Variants in TOX observed in about 807,000 individuals in gnomAD.
The protein encoded by TOX is thymocyte selection-associated high mobility group box protein TOX.
Under a neutral mutation model 53.7 loss-of-function variants are expected in TOX, and 11 were observed. The ratio of observed to expected loss-of-function variants is 0.20; its 90% CI spans 0.13 to 0.34. TOX has a LOEUF of 0.34. Among genes scored for constraint, TOX ranks in the 10% least tolerant of loss-of-function variants. The probability of loss-of-function intolerance (pLI) is 1.00; values close to 1 mark genes in which losing one functional copy is unlikely to be tolerated. For missense variants in TOX, 570 were observed against 664.6 expected (o/e 0.86, Z 1.56); for synonymous variants, 225 against 245.3 (o/e 0.92, Z 0.77).
intron 3 of TOX, among the ~76,000 whole-genome samples, chr8:58,925,819 C>T (rs1260856905): frequency 6.6e-6 from 1 of 152,154 alleles, no homozygotes; most frequent in Non-Finnish European, 1.5e-5. Context: ...CTCTGAGAAA[C>T]AGCCCTTTGT....
intron 1 of TOX, among the ~76,000 whole-genome samples, chr8:59,035,760 T>C (rs1320521539): frequency 6.6e-6 from 1 of 152,232 alleles, no homozygotes; most frequent in African/African-American, 2.4e-5. Context: ...TCAGTGATCA[T>C]AGAGAAATAA....
intron 2 of TOX, among the ~76,000 whole-genome samples, chr8:58,951,398 C>T (rs556385983): frequency 5.0e-4 from 76 of 152,100 alleles, no homozygotes; most frequent in Middle Eastern, 3.4e-3. Flanking sequence ...CCTAAACTTC[C>T]AGGCAAGAAG....
chr8:58,944,480 G>T (rs145955488), intron 2 of TOX, among the ~76,000 whole-genome samples: 5 of 152,288 alleles, frequency 3.3e-5, no homozygotes, highest in African/African-American at 9.6e-5. Flanking sequence ...CTGATGAGAA[G>T]GAGACAGATG....
At chr8:58,972,714 G>T (rs1305854517) in intron 1 of TOX, among the ~76,000 whole-genome samples, 2 of 152,052 alleles carry the variant, frequency 1.3e-5, no homozygotes, top group African/African-American at 2.4e-5. Flanking sequence ...TCACATCAAA[G>T]AAATTATGTA....
intron 3 of TOX, among the ~76,000 whole-genome samples, chr8:58,875,092 C>G (rs1042911773): frequency 6.6e-6 from 1 of 152,188 alleles, no homozygotes. Context: ...CCTCTGAGTA[C>G]AGCCGACAGT....
chr8:59,113,616 T>C (rs1400522919), intron 1 of TOX, among the ~76,000 whole-genome samples: 1 of 152,144 alleles, frequency 6.6e-6, no homozygotes, highest in Non-Finnish European at 1.5e-5. Flanking sequence ...TGGTGATTAG[T>C]ATCCAGTGGA....
At chr8:58,846,020 G>A (rs1032571359) in intron 4 of TOX, among the ~76,000 whole-genome samples, 2 of 151,956 alleles carry the variant, frequency 1.3e-5, no homozygotes, top group Admixed American at 1.3e-4. Context: ...AATGCTAGGC[G>A]GCTATGTTAA....
chr8:58,941,522 T>C (rs1279939331), intron 2 of TOX, among the ~76,000 whole-genome samples: 1 of 152,228 alleles, frequency 6.6e-6, no homozygotes, highest in Non-Finnish European at 1.5e-5. Flanking sequence ...GTTTAATTGC[T>C]ACTATCTTAT....
chr8:58,844,626 T>C (rs995957635), intron 4 of TOX, among the ~76,000 whole-genome samples: 1 of 152,102 alleles, frequency 6.6e-6, no homozygotes, highest in African/African-American at 2.4e-5. Context: ...TCTACAGCAG[T>C]GGGCAGAGGC....
intron 1 of TOX, among the ~76,000 whole-genome samples, chr8:59,000,845 A>T (rs1813677147): frequency 6.6e-6 from 1 of 152,202 alleles, no homozygotes; most frequent in South Asian, 2.1e-4. Context: ...GACTCTCATA[A>T]TAAAAATCCA....
At chr8:59,024,496 A>G (rs1814200049) in intron 1 of TOX, among the ~76,000 whole-genome samples, 1 of 152,202 alleles carries the variant, frequency 6.6e-6, no homozygotes, top group South Asian at 2.1e-4. Flanking sequence ...TCTTAAGAGT[A>G]GGTATTTTAA....
chr8:59,024,441 C>G (rs948593345), intron 1 of TOX, among the ~76,000 whole-genome samples: 10 of 152,138 alleles, frequency 6.6e-5, no homozygotes, highest in African/African-American at 1.9e-4. Flanking sequence ...TCAGTAGCTA[C>G]TAAGTGTCAA....
chr8:58,927,644 C>T (rs966927626), intron 3 of TOX, among the ~76,000 whole-genome samples: 7 of 152,156 alleles, frequency 4.6e-5, no homozygotes, highest in Non-Finnish European at 7.4e-5. Context: ...GTTGTTAGAA[C>T]GTCCCGTGGT....
At position 58,851,682 on chromosome 8, in the gene TOX, G is replaced by T. The variant is rs1352182887; in HGVS notation, c.535C>A (p.Leu179Met). The T allele has an allele frequency of 6.2e-7, 1 of 1,613,694 alleles. No homozygotes were observed. The change falls in exon 4 of 9, where the codon CTG becomes ATG. Residue 179 changes from leucine (L) to methionine (M), a missense_variant. Leu to Met is a conservative substitution (Grantham distance 15). Coordinates refer to ENST00000361421, the MANE Select transcript of TOX (RefSeq NM_014729.3). The surrounding 1 kb of genome is among the most constrained non-coding windows in gnomAD (Gnocchi z 4.4). The part of the protein sequence containing the change: ...QQPGMMPHGQ[L>M]TTINQSQLSA... ...AGCTGTGACTGGTTAATGGTAGTCA[G>T]CTGGCCATGTGGCATCATTCCTGGC...
chr8:59,042,938 G>A (rs926722285), intron 1 of TOX, among the ~76,000 whole-genome samples: 66 of 129,702 alleles, frequency 5.1e-4, no homozygotes, highest in African/African-American at 1.5e-3. Context: ...AGCATTTTTC[G>A]TGATGAGAAC....
chr8:58,905,700 C>T (rs375486473), intron 3 of TOX, among the ~76,000 whole-genome samples: 7 of 152,188 alleles, frequency 4.6e-5, no homozygotes, highest in African/African-American at 7.2e-5. Context: ...ATTGCACAGT[C>T]GAGTTCACAA....
At chr8:59,041,528 A>T (rs1176982099) in intron 1 of TOX, among the ~76,000 whole-genome samples, 1 of 152,172 alleles carries the variant, frequency 6.6e-6, no homozygotes, top group Non-Finnish European at 1.5e-5. Flanking sequence ...ATTCACTCAT[A>T]GCAATTCTAC....
chr8:58,870,924 T>C (rs1044647349), intron 3 of TOX, among the ~76,000 whole-genome samples: 5 of 152,216 alleles, frequency 3.3e-5, no homozygotes, highest in South Asian at 4.1e-4. Context: ...CAATTAGCCA[T>C]CATGCTCCAG....
chr8:58,838,418 C>T (rs534298415), intron 4 of TOX, 107 bp from the exon 5 acceptor site: 1 of 821,366 alleles, frequency 1.2e-6, no homozygotes, highest in Admixed American at 2.4e-5. Flanking sequence ...TCACATCACT[C>T]AAACACAGGC....
Sources: allele counts gnomAD v4.1 joint callset (sites outside exome capture counted in the v4.1 genomes callset), GRCh38; gene constraint gnomAD v4.1.1; non-coding constraint Gnocchi (gnomAD v3.1); transcripts MANE v1.5; gene names NCBI Gene and HGNC (gene_info 2026-07-23, HGNC 2026-07-21).